Variants in KNG1 observed in about 807,000 individuals in gnomAD.
The protein encoded by KNG1 is kininogen 1.
Under a neutral mutation model 47.8 loss-of-function variants are expected in KNG1, and 23 were observed. The observed-to-expected ratio is 0.48, with a 90% confidence interval of 0.35 to 0.68. The LOEUF (loss-of-function observed/expected upper bound fraction) is 0.68. Among genes scored for constraint, KNG1 ranks in the 30% least tolerant of loss-of-function variants. The pLI, the probability that KNG1 is intolerant of heterozygous loss-of-function variation, is 0.01. For synonymous variants in KNG1, 277 were observed against 277.0 expected (o/e 1.00, Z 0.00); for missense variants, 762 against 790.2 (o/e 0.96, Z 0.43).
intron 1 of KNG1, 102 bp downstream of exon 1, chr3:186,717,839 AC>A: frequency 1.4e-6 from 1 of 705,366 alleles, no homozygotes; most frequent in Non-Finnish European, 2.4e-6. Flanking sequence ...AGCACCCACC[AC>A]CACCACCCAC....
chr3:186,721,991 T>A (rs2108619865), intron 2 of KNG1: 1 of 177,014 alleles, frequency 5.6e-6, no homozygotes, highest in South Asian at 1.2e-4. Flanking sequence ...GGCACGTGCA[T>A]GTAATCCCAG....
chr3:186,719,510 GC>G (rs1553790524), intron 1 of KNG1, among the ~76,000 whole-genome samples: 1 of 152,160 alleles, frequency 6.6e-6, no homozygotes, highest in Non-Finnish European at 1.5e-5. Context: ...GGAGGCCAAG[GC>G]GGGGGGATCA....
At chr3:186,724,606 G>T (rs953104273) in intron 3 of KNG1, among the ~76,000 whole-genome samples, 19 of 152,006 alleles carry the variant, frequency 1.2e-4, no homozygotes, top group South Asian at 2.1e-4. Context: ...GGATTACTTG[G>T]TTTTTTTATT....
chr3:186,735,378 G>A (rs570835385), intron 7 of KNG1, among the ~76,000 whole-genome samples: 71 of 152,252 alleles, frequency 4.7e-4, no homozygotes, highest in African/African-American at 1.6e-3. Flanking sequence ...AGCACTTTGG[G>A]AGGCCGAGGC....
intron 7 of KNG1, chr3:186,738,794 C>T (rs1579129315): frequency 2.2e-5 from 7 of 317,536 alleles, no homozygotes; most frequent in East Asian, 8.7e-5. Context: ...TGTGGTGAGC[C>T]GAGATCGTGC....
At chr3:186,735,295 G>A (rs1205494836) in intron 7 of KNG1, among the ~76,000 whole-genome samples, 1 of 152,090 alleles carries the variant, frequency 6.6e-6, no homozygotes, top group Admixed American at 6.6e-5. Context: ...ACCAGCTGGA[G>A]CAACATAGCA....
rs769804086 is a variant in KNG1 at position 186,725,234 on chromosome 3, A to C, written c.538A>C (p.Asn180His). The C allele has an allele frequency of 6.2e-7, 1 of 1,614,000 alleles. No individual in the cohort carries two copies. The highest frequency in any genetic ancestry group is 1.7e-5 in the Admixed American group (1 of 59,992). The change falls in exon 4 of 10, where the codon AAT (asparagine) becomes CAT (histidine). Residue 180 changes from asparagine to histidine, a missense_variant. Coordinates refer to ENST00000644859, the MANE Select transcript of KNG1 (RefSeq NM_001102416.3). Reference protein sequence around the residue: ...NTQHSSLFMLNEVKRAQRQVV... With the variant: ...NTQHSSLFMLHEVKRAQRQVV... Reference sequence around the variant, plus strand: ...TCAACATTCCTCCCTCTTCATGCTTAATGAAGTAAAACGGGCCCAAAGACA... The same window carrying C: ...TCAACATTCCTCCCTCTTCATGCTTCATGAAGTAAAACGGGCCCAAAGACA...
At chr3:186,735,718 C>T in intron 7 of KNG1, 1 of 152,194 alleles carries the variant, frequency 6.6e-6, no homozygotes, top group East Asian at 1.9e-4. Context: ...AGGAGGATTG[C>T]TTGAGACTGG....
At chr3:186,736,569 T>TGCTC (rs1720674664) in intron 7 of KNG1, 3 of 152,324 alleles carry the variant, frequency 2.0e-5, no homozygotes, top group Non-Finnish European at 4.4e-5. Context: ...AGGCTGTTGA[T>TGCTC]GCTCCTGTCT....
chr3:186,726,979 A>AT (rs1720388889), intron 4 of KNG1, among the ~76,000 whole-genome samples: 1 of 151,512 alleles, frequency 6.6e-6, no homozygotes, highest in Non-Finnish European at 1.5e-5. Flanking sequence ...AAAATAGAAA[A>AT]ATATATATAT....
At chr3:186,723,920 C>G (rs1720277559) in intron 3 of KNG1, among the ~76,000 whole-genome samples, 1 of 152,178 alleles carries the variant, frequency 6.6e-6, no homozygotes, top group South Asian at 2.1e-4. Flanking sequence ...TCCCAAAGTG[C>G]TGGGATTACA....
chr3:186,728,944 C>T (rs1720442311), intron 5 of KNG1: 3 of 152,334 alleles, frequency 2.0e-5, no homozygotes, highest in African/African-American at 4.8e-5. Flanking sequence ...TAAGCCACTG[C>T]ATCCGGCCGC....
At chr3:186,730,672 A>T (rs1720493073) in intron 5 of KNG1, among the ~76,000 whole-genome samples, 4 of 21,400 alleles carry the variant, frequency 1.9e-4, no homozygotes, top group South Asian at 2.2e-3. Context: ...AAAAAAAAAA[A>T]AAAAAAAAAA....
chr3:186,724,835 G>A (rs796675065), intron 3 of KNG1, among the ~76,000 whole-genome samples: 2 of 152,030 alleles, frequency 1.3e-5, no homozygotes, highest in African/African-American at 4.8e-5. Flanking sequence ...CCGAGTAGCT[G>A]GGACTATCAC....
chr3:186,725,904 T>C (rs1007625569), intron 4 of KNG1, among the ~76,000 whole-genome samples: 14 of 137,338 alleles, frequency 1.0e-4, no homozygotes, highest in Middle Eastern at 3.8e-3. Context: ...TAAGTTACAG[T>C]TCCCATATCA....
At chr3:186,723,454 ATTCTC>A (rs763751446) in intron 3 of KNG1, among the ~76,000 whole-genome samples, 22 of 152,068 alleles carry the variant, frequency 1.4e-4, no homozygotes, top group Non-Finnish European at 2.8e-4. Context: ...GGTATCTGTC[ATTCTC>A]TTCTCTTCTC....
chr3:186,724,341 C>A (rs1720289568), intron 3 of KNG1, among the ~76,000 whole-genome samples: 1 of 152,186 alleles, frequency 6.6e-6, no homozygotes, highest in Non-Finnish European at 1.5e-5. Context: ...AGCTACGTTC[C>A]CTTTTTATGG....
intron 1 of KNG1, 81 bp downstream of exon 1, chr3:186,717,818 A>G: frequency 1.0e-6 from 1 of 984,140 alleles, no homozygotes. Flanking sequence ...ACACACACAC[A>G]TACCACCACC....
rs186409594 is a variant in KNG1, at chr3:186,717,708, T to G, written c.166T>G (p.Leu56Val). The change falls in exon 1 of 10, where the codon TTG (leucine) becomes GTG (valine). Residue 56 changes from leucine to valine, a missense_variant. Coordinates refer to ENST00000644859, the MANE Select transcript of KNG1 (RefSeq NM_001102416.3). ...SQNQSNNQFV[L>V]YRITEATKTV... The stretch of plus-strand genomic sequence containing the variant: ...AAACCAAAGTAACAACCAGTTTGTA[T>G]TGTACCGCATAACTGAAGCCACTAA... The G allele has an allele frequency of 4.3e-4, 695 of 1,613,130 alleles. 11 individuals are homozygous for G. The East Asian group carries it at 0.015, about 36-fold the overall frequency.
Sources: allele counts gnomAD v4.1 joint callset (sites outside exome capture counted in the v4.1 genomes callset), GRCh38; gene constraint gnomAD v4.1.1; transcripts MANE v1.5; gene names NCBI Gene and HGNC (gene_info 2026-07-23, HGNC 2026-07-21).